Variants in DNAH5 observed in about 807,000 individuals in gnomAD.
DNAH5 encodes the protein axonemal beta dynein heavy chain 5.
Under a neutral mutation model 518.2 loss-of-function variants are expected in DNAH5, and 372 were observed. That is an observed-to-expected ratio of 0.72 (90% CI 0.66 to 0.78). DNAH5 has a LOEUF of 0.78. Among genes scored for constraint, DNAH5 ranks in the 30% least tolerant of loss-of-function variants. The pLI is 0.00. For missense variants in DNAH5, 5,523 were observed against 5,687.0 expected, an observed-to-expected ratio of 0.97 and a Z score of 0.93; for synonymous variants, 2,039 against 2,025.9, an observed-to-expected ratio of 1.01 and a Z score of -0.17.
intron 1 of DNAH5, among the ~76,000 whole-genome samples, chr5:13,964,295 CCTCTGGCTCCTCCACGGTT>C (rs1781391573): frequency 6.6e-6 from 1 of 152,176 alleles, no homozygotes; most frequent in South Asian, 2.1e-4. Context: ...CTTTTGAGCC[CCTCTGGCTCCTCCACGGTT>C]GCAAGTGACT....
chr5:13,776,940 T>C (rs189742143), intron 54 of DNAH5, among the ~76,000 whole-genome samples: 1 of 152,362 alleles, frequency 6.6e-6, no homozygotes, highest in African/African-American at 2.4e-5. Context: ...AAAATCTAAT[T>C]AGCTTTCTTT....
chr5:13,742,013 G>A (rs950580818), intron 65 of DNAH5, among the ~76,000 whole-genome samples: 1 of 152,002 alleles, frequency 6.6e-6, no homozygotes, highest in African/African-American at 2.4e-5. Context: ...CTTCTCCCTT[G>A]ATTCATTTCT....
chr5:13,839,340 A>T lies in DNAH5; in HGVS notation c.5882+16T>A, dbSNP rs1580511407. ...AGAATAAAAATGGTGGGGGTTGGGG[A>T]GAAGGGTTCCATCACCTGTCTGTAA... On this transcript the variant is annotated intron_variant, in intron 35 of 78. Transcript: ENST00000265104. The T allele has an allele frequency of 6.2e-7, 1 of 1,613,254 alleles. No individual in the cohort carries two copies. The highest frequency in any genetic ancestry group is 8.5e-7 in the Non-Finnish European group (1 of 1,179,376).
chr5:13,908,172 C>T (rs1379157371), intron 12 of DNAH5, among the ~76,000 whole-genome samples: 1 of 152,134 alleles, frequency 6.6e-6, no homozygotes, highest in Non-Finnish European at 1.5e-5. Context: ...ATAGTTTCAG[C>T]TACTTCTACT....
intron 60 of DNAH5, among the ~76,000 whole-genome samples, chr5:13,761,485 C>T (rs1263221775): frequency 6.7e-6 from 1 of 149,978 alleles, no homozygotes; most frequent in Admixed American, 6.7e-5. Flanking sequence ...CCCAGCTACT[C>T]GGGAGGCTGA....
At position 13,981,614 on chromosome 5, in the gene DNAH5, C is replaced by G. The variant is rs368537541; in HGVS notation, c.12+30034G>C. 1.2e-4 allele frequency among the ~76,000 whole-genome samples: 18 copies of G among 152,344 alleles called. 1 individual carries two copies. In the South Asian group the frequency reaches 3.5e-3, roughly 30 times the overall value. ...TCCAAGCAGTTGCTGTCTGTCTGCT[C>G]TCATCGGTGCTACCAGGACAGCCCC... On this transcript the variant is annotated intron_variant, in intron 1 of 78. Transcript: ENST00000681290.
At position 13,794,078 on chromosome 5, in the gene DNAH5, T is replaced by C. The variant is rs756960542; in HGVS notation, c.7888-20A>G. ...CGTCCTCTGTGAAAAAAAAATCAAC[T>C]GAAACATCTGTGAAAATATCCCCTA... is the stretch of plus-strand genomic sequence containing the variant. On this transcript the variant is annotated intron_variant, in intron 47 of 78. Transcript: ENST00000265104. 4 of 1,613,914 alleles carry C rather than the reference T, an allele frequency of 2.5e-6. No individual in the cohort carries two copies. Among genetic ancestry groups the C allele is most frequent in the Non-Finnish European group, 3.4e-6 (4 of 1,179,900 alleles).
chr5:13,814,631 T>C lies in DNAH5; in HGVS notation c.7204A>G (p.Ile2402Val), dbSNP rs1368779884. 3 of 1,613,868 alleles carry C rather than the reference T, an allele frequency of 1.9e-6. No homozygotes were observed. In the African/African-American group the frequency reaches 4.0e-5, roughly 22 times the overall value. The stretch of plus-strand genomic sequence containing the variant: ...TCAAGAATAGGACTCCAATCAAGGA[T>C]AGAAGAGCTCATGAAAACCATTCCA... ...RNGMVFMSSSILDWSPILEGF... is the reference protein window; with the variant it reads ...RNGMVFMSSSVLDWSPILEGF... Residue 2402 changes from isoleucine (I) to valine (V), a missense_variant, in exon 43 of 79, where the codon ATC becomes GTC. By Grantham distance (29) the Ile-to-Val change is conservative (BLOSUM62 3). Coordinates refer to ENST00000265104, the MANE Select transcript of DNAH5 (RefSeq NM_001369.3).
chr5:13,952,578 A>C (rs1780498979), intron 1 of DNAH5, among the ~76,000 whole-genome samples: 2 of 152,180 alleles, frequency 1.3e-5, no homozygotes, highest in Admixed American at 1.3e-4. Context: ...AATATGTCTT[A>C]CCCATGACTG....
intron 22 of DNAH5, among the ~76,000 whole-genome samples, chr5:13,875,551 T>C (rs573603773): frequency 6.6e-6 from 1 of 152,220 alleles, no homozygotes; most frequent in African/African-American, 2.4e-5. Context: ...CTCTTAGATT[T>C]TCATAATAGT....
intron 6 of DNAH5, 27 bp from the exon 7 acceptor site, chr5:13,919,379 G>A: frequency 6.2e-7 from 1 of 1,611,998 alleles, no homozygotes; most frequent in East Asian, 2.2e-5. Context: ...AAAAACACGA[G>A]CCATTGCACG....
intron 1 of DNAH5, among the ~76,000 whole-genome samples, chr5:14,002,148 C>T (rs1309036914): frequency 1.0e-5 from 1 of 99,998 alleles, no homozygotes; most frequent in African/African-American, 3.5e-5. Flanking sequence ...CCGCCTGCAT[C>T]GGCCTCCCAA....
intron 29 of DNAH5, chr5:13,860,619 A>T (rs1420772240): frequency 6.6e-6 from 1 of 152,238 alleles, no homozygotes; most frequent in Non-Finnish European, 1.5e-5. Context: ...GGAAAGACAG[A>T]TGAGTGAGCC....
At chr5:13,863,222 C>A (rs570016843) in intron 28 of DNAH5, among the ~76,000 whole-genome samples, 1 of 152,120 alleles carries the variant, frequency 6.6e-6, no homozygotes, top group South Asian at 2.1e-4. Flanking sequence ...ATTAGTCAAG[C>A]CCTTCCTTTA....
At position 13,811,828 on chromosome 5, in the gene DNAH5, C is replaced by A. The variant is rs2127027842; in HGVS notation, c.7231-5G>T. On this transcript the variant is annotated splice_polypyrimidine_tract_variant and splice_region_variant and intron_variant, in intron 43 of 78. Coordinates refer to ENST00000265104, the MANE Select transcript of DNAH5 (RefSeq NM_001369.3). The stretch of plus-strand genomic sequence containing the variant: ...TGAGCGTTTCTTAAGAAAACCCTGT[C>A]AGTTCACAGACAAGTGTATTCATGA... 1 of 1,613,966 alleles carries A rather than the reference C, an allele frequency of 6.2e-7. No individual in the cohort carries two copies. Among genetic ancestry groups the A allele is most frequent in the South Asian group, 1.1e-5 (1 of 91,020 alleles).
At position 13,754,046 on chromosome 5, in the gene DNAH5, A is replaced by G. The variant is rs565580860; in HGVS notation, c.10555+157T>C. Among the ~76,000 whole-genome samples the G allele has an allele frequency of 3.3e-5, 5 of 152,200 alleles. No homozygotes were observed. The South Asian group carries it at 1.0e-3, about 32-fold the overall frequency. On this transcript the variant is annotated intron_variant, in intron 62 of 78. Transcript: ENST00000265104. ...TTTTTTTTAATTTTATTATTATTAT[A>G]CTTTAAGTTTTAGGGTACATGCGCA...
At chr5:13,736,087 T>C (rs922774275) in intron 66 of DNAH5, among the ~76,000 whole-genome samples, 155 bp from the exon 67 acceptor site, 4 of 152,262 alleles carry the variant, frequency 2.6e-5, no homozygotes, top group African/African-American at 4.8e-5. Flanking sequence ...ATTCATTTAT[T>C]AATATATTTA....
chr5:13,810,093 C>T lies in DNAH5; in HGVS notation c.7575G>A (p.Gly2525=). 1 of 1,552,664 alleles carries T rather than the reference C, an allele frequency of 6.4e-7. No individual in the cohort carries two copies. The highest frequency in any genetic ancestry group is 8.7e-7 in the Non-Finnish European group (1 of 1,148,470). ...TLELPPPAGP[G]DTAFDYYVAP... ...CCACATAGTAGTCGAAGGCGGTGTC[C>T]CCGGGCCCCGCTGGCGGCGGCAGCT... The change falls in exon 45 of 79, where the codon GGG becomes GGA. Residue 2525 remains glycine (G), a synonymous_variant. Coordinates refer to ENST00000265104, the MANE Select transcript of DNAH5 (RefSeq NM_001369.3).
chr5:13,829,596 C>G lies in DNAH5; in HGVS notation c.6358G>C (p.Ala2120Pro). 1 of 1,614,214 alleles carries G rather than the reference C, an allele frequency of 6.2e-7. No homozygotes were observed. Among genetic ancestry groups the G allele is most frequent in the Non-Finnish European group, 8.5e-7 (1 of 1,180,042 alleles). Residue 2120 changes from alanine (A) to proline (P), a missense_variant, in exon 38 of 79, where the codon GCT becomes CCT. Ala to Pro is a conservative substitution (Grantham distance 27). Coordinates refer to ENST00000265104, the MANE Select transcript of DNAH5 (RefSeq NM_001369.3). ...DRQIIIRVKL[A>P]SCGFIDNVVL... ...ACGTTGTCAATGAAGCCACAACTAG[C>G]CAACTTCACCCTTATGATAATCTGA...
Sources: allele counts gnomAD v4.1 joint callset (sites outside exome capture counted in the v4.1 genomes callset), GRCh38; gene constraint gnomAD v4.1.1; transcripts MANE v1.5; gene names NCBI Gene and HGNC (gene_info 2026-07-23, HGNC 2026-07-21).